The following IGSF3 variants were observed in gnomAD, a reference collection of about 807,000 sequenced individuals.
IGSF3 encodes the protein glu-Trp-Ile EWI motif-containing protein 3.
IGSF3 carries 23 observed loss-of-function variants against 114.4 expected under a neutral mutation model. That is an observed-to-expected ratio of 0.20 (90% CI 0.14 to 0.28). The LOEUF (loss-of-function observed/expected upper bound fraction) is 0.28. IGSF3 is among the 10% of genes least tolerant of loss of function. The pLI is 1.00. For synonymous variants in IGSF3, 571 were observed against 645.2 expected (o/e 0.88, Z 1.74); for missense variants, 1,172 against 1,591.5 (o/e 0.74, Z 4.48).
rs938518232 is a variant in IGSF3, at chr1:116,628,910, A to G, written c.44-12453T>C. 6.6e-6 allele frequency among the ~76,000 whole-genome samples: 1 copy of G among 152,240 alleles called. No individual in the cohort carries two copies. The highest frequency in any genetic ancestry group is 2.4e-5 in the African/African-American group (1 of 41,452). On this transcript the variant is annotated intron_variant, in intron 2 of 10. Coordinates refer to ENST00000369486, the MANE Select transcript of IGSF3 (RefSeq NM_001007237.3). This position sits in a 1 kb window ranked among gnomAD's most constrained non-coding sequence, Gnocchi z 4.2. ...GCTCATTCTTTCTAGGGAGGCACAG[A>G]TAAGCCAGCATCACAGATGCAAAAA...
At chr1:116,656,771 T>C (rs1648874412) in intron 2 of IGSF3, among the ~76,000 whole-genome samples, 1 of 151,732 alleles carries the variant, frequency 6.6e-6, no homozygotes, top group Non-Finnish European at 1.5e-5. Context: ...CTACTAAAAA[T>C]ACAAAAATTA....
rs1256665026 is a variant in IGSF3 at position 116,583,815 on chromosome 1, T to A, written c.2848+830A>T. On this transcript the variant is annotated intron_variant, in intron 9 of 10. Coordinates refer to ENST00000369486, the MANE Select transcript of IGSF3 (RefSeq NM_001007237.3). The surrounding 1 kb of genome is among the most constrained non-coding windows in gnomAD (Gnocchi z 4.5). Reference sequence around the variant, plus strand: ...TGCAACAACAATTATACCTAGTAATTACATGCATTTAGATATTTAGAAACA... The same window carrying A: ...TGCAACAACAATTATACCTAGTAATAACATGCATTTAGATATTTAGAAACA... Among the ~76,000 whole-genome samples, 1 of 152,172 alleles carries A rather than the reference T, an allele frequency of 6.6e-6. No individual in the cohort carries two copies. The highest frequency in any genetic ancestry group is 1.5e-5 in the Non-Finnish European group (1 of 68,034).
chr1:116,579,928 C>T lies in IGSF3; in HGVS notation c.2849-51G>A, dbSNP rs1659530058. 6.8e-7 allele frequency: 1 copy of T among 1,466,748 alleles called. No individual in the cohort carries two copies. The highest frequency in any genetic ancestry group is 9.2e-7 in the Non-Finnish European group (1 of 1,092,866). The allele number at this position is 1,466,748 out of a possible 1,614,324, so 90.9% of individuals were successfully genotyped here. Reference sequence around the variant, plus strand: ...GGAAGGGGTTGTTTAAATTTATTTGCTCAAAATAAACTAAATGTCCATCAT... The same window carrying T: ...GGAAGGGGTTGTTTAAATTTATTTGTTCAAAATAAACTAAATGTCCATCAT... On this transcript the variant is annotated intron_variant, in intron 9 of 10. Coordinates refer to ENST00000369486, the MANE Select transcript of IGSF3 (RefSeq NM_001007237.3). The surrounding 1 kb of genome is among the most constrained non-coding windows in gnomAD (Gnocchi z 6.4).
At chr1:116,601,348 C>T (rs1427775958) in intron 6 of IGSF3, among the ~76,000 whole-genome samples, 2 of 152,184 alleles carry the variant, frequency 1.3e-5, no homozygotes, top group Non-Finnish European at 2.9e-5. Flanking sequence ...GAAAGCATAA[C>T]ACAGTGGTTA....
At position 116,583,882 on chromosome 1, in the gene IGSF3, A is replaced by G. The variant is rs746418309; in HGVS notation, c.2848+763T>C. ...AAACAAAAGGCCACACAGAATAGTT[A>G]TTAGTACTAATAAAATTATTGGGAC... On this transcript the variant is annotated intron_variant, in intron 9 of 10. Coordinates refer to ENST00000369486, the MANE Select transcript of IGSF3 (RefSeq NM_001007237.3). The surrounding 1 kb of genome is among the most constrained non-coding windows in gnomAD (Gnocchi z 4.5). 2.0e-5 allele frequency among the ~76,000 whole-genome samples: 3 copies of G among 152,232 alleles called. No homozygotes were observed. The highest frequency in any genetic ancestry group is 4.4e-5 in the Non-Finnish European group (3 of 68,040).
chr1:116,576,376 A>G lies in IGSF3; in HGVS notation c.*936T>C, dbSNP rs1221524112. 6.5e-6 allele frequency: 1 copy of G among 152,714 alleles called. No individual in the cohort carries two copies. 9.5% of individuals were successfully genotyped at this position (152,714 alleles called of 1,614,324 possible). ...CACCTGCTCACAGTTAATCAGTTAG[A>G]GACCATCCTTGCAGCTCAGAGCAAG... On this transcript the variant is annotated 3_prime_UTR_variant, in exon 11 of 11. Coordinates refer to ENST00000369486, the MANE Select transcript of IGSF3 (RefSeq NM_001007237.3). The surrounding 1 kb of genome is among the most constrained non-coding windows in gnomAD (Gnocchi z 4.6).
Position 116,633,060 on chromosome 1 carries a change from G to A in IGSF3, c.44-16603C>T, listed in dbSNP as rs1323378554. Among the ~76,000 whole-genome samples, 8 of 152,202 alleles carry A rather than the reference G, an allele frequency of 5.3e-5. No individual in the cohort carries two copies. The highest frequency in any genetic ancestry group is 1.9e-4 in the East Asian group (1 of 5,200). On this transcript the variant is annotated intron_variant, in intron 2 of 10. Coordinates refer to ENST00000369486, the MANE Select transcript of IGSF3 (RefSeq NM_001007237.3). This position sits in a 1 kb window ranked among gnomAD's most constrained non-coding sequence, Gnocchi z 4.3. Reference sequence around the variant, plus strand: ...AATGCTATATAGACCAATGCTGCACGCTGCAGAGACACAGTCTTTGGGTTC... The same window carrying A: ...AATGCTATATAGACCAATGCTGCACACTGCAGAGACACAGTCTTTGGGTTC...
At chr1:116,643,062 C>G (rs185467450) in intron 2 of IGSF3, among the ~76,000 whole-genome samples, 1 of 152,156 alleles carries the variant, frequency 6.6e-6, no homozygotes, top group Non-Finnish European at 1.5e-5. Context: ...CTTCTTGGTC[C>G]AAAAGGCGCA....
At chr1:116,641,945 T>A (rs1243424253) in intron 2 of IGSF3, among the ~76,000 whole-genome samples, 2 of 151,484 alleles carry the variant, frequency 1.3e-5, no homozygotes, top group African/African-American at 2.4e-5. Flanking sequence ...AACTCCTGAG[T>A]TTTTTTGGTT....
In IGSF3 at chr1:116,594,913, G is replaced by GC. The variant is rs1438773318; in HGVS notation, c.2029+5027dup. Reference sequence around the variant, plus strand: ...ACCCCATTCCCTCCTCACGCCCCCTGCCCCCGTTCATGCCCTGTGCTGGCT... The same window carrying GC: ...ACCCCATTCCCTCCTCACGCCCCCTGCCCCCCGTTCATGCCCTGTGCTGGCT... On this transcript the variant is annotated intron_variant, in intron 7 of 10. Transcript: ENST00000369486. The surrounding 1 kb of genome is among the most constrained non-coding windows in gnomAD (Gnocchi z 5.2). 7.3e-5 allele frequency among the ~76,000 whole-genome samples: 11 copies of GC among 150,510 alleles called. No homozygotes were observed. In the East Asian group the frequency reaches 2.1e-3, roughly 29 times the overall value.
At position 116,648,398 on chromosome 1, in the gene IGSF3, G is replaced by A. The variant is rs1178360068; in HGVS notation, c.43+17886C>T. ...CAGGATGCACGGGAGATCACACACA[G>A]AGTAAGAGGTGCCTCTCAAATGCCT... is the stretch of plus-strand genomic sequence containing the variant. On this transcript the variant is annotated intron_variant, in intron 2 of 10. Transcript: ENST00000369486. This position sits in a 1 kb window ranked among gnomAD's most constrained non-coding sequence, Gnocchi z 4.7. Among the ~76,000 whole-genome samples, 1 of 152,186 alleles carries A rather than the reference G, an allele frequency of 6.6e-6. No individual in the cohort carries two copies. The highest frequency in any genetic ancestry group is 2.4e-5 in the African/African-American group (1 of 41,436).
intron 4 of IGSF3, among the ~76,000 whole-genome samples, chr1:116,613,079 T>C (rs1661084939): frequency 6.6e-6 from 1 of 152,200 alleles, no homozygotes; most frequent in South Asian, 2.1e-4. Flanking sequence ...ACTCTCAGAC[T>C]GGCCTCATCA....
At position 116,608,179 on chromosome 1, in the gene IGSF3, C is replaced by A. The variant is rs140225686; in HGVS notation, c.985G>T (p.Gly329Cys). The A allele has an allele frequency of 9.7e-5, 157 of 1,612,224 alleles. No homozygotes were observed. In the African/African-American group the frequency reaches 1.8e-3, roughly 18 times the overall value. Reference sequence around the variant, plus strand: ...TTGAGGACAGGCACAGCGTTAGGACCCATGGTGGCGATGAGCGAGCTGTTG... The same window carrying A: ...TTGAGGACAGGCACAGCGTTAGGACACATGGTGGCGATGAGCGAGCTGTTG... The part of the protein sequence containing the change: ...AFNSSLIATM[G>C]PNAVPVLNSE... The change falls in exon 5 of 11, where the codon GGT (glycine) becomes TGT (cysteine). Residue 329 changes from glycine (G) to cysteine (C), a missense_variant. By Grantham distance (159) the Gly-to-Cys change is radical. Transcript: ENST00000369486.
intron 2 of IGSF3, among the ~76,000 whole-genome samples, chr1:116,656,046 C>T (rs574304921): frequency 2.0e-4 from 30 of 152,070 alleles, no homozygotes; most frequent in African/African-American, 5.3e-4. Context: ...ATAAAATAAC[C>T]AAATCAGTTC....
intron 4 of IGSF3, 108 bp downstream of exon 4, chr1:116,613,657 C>T (rs1661104641): frequency 9.6e-7 from 1 of 1,045,452 alleles, no homozygotes; most frequent in Non-Finnish European, 1.4e-6. Context: ...ACATGAAAAC[C>T]TGCTGTCCTG....
rs182143611 is a variant in IGSF3, at chr1:116,624,959, C to G, written c.44-8502G>C. ...ACCTGCCACCATGTGAGTGAACAAG[C>G]CTCCACTGTGAGCTGCCCCCAGCCT... On this transcript the variant is annotated intron_variant, in intron 2 of 10. Transcript: ENST00000369486. The surrounding 1 kb of genome is among the most constrained non-coding windows in gnomAD (Gnocchi z 4.9). Among the ~76,000 whole-genome samples the G allele has an allele frequency of 6.6e-6, 1 of 152,346 alleles. No homozygotes were observed. The highest frequency in any genetic ancestry group is 2.1e-4 in the South Asian group (1 of 4,830).
rs1055021222 is a variant in IGSF3, at chr1:116,667,639, C to CCG, written c.-654_-653dup. 1 of 151,502 alleles carries CCG rather than the reference C, an allele frequency of 6.6e-6. No individual in the cohort carries two copies. Among genetic ancestry groups the CCG allele is most frequent in the African/African-American group, 2.4e-5 (1 of 41,324 alleles). 9.4% of individuals were successfully genotyped at this position (151,502 alleles called of 1,614,324 possible). A position where few individuals can be genotyped will look rare whatever the true frequency, so the allele number is the denominator to read the frequency against. Reference sequence around the variant, plus strand: ...TGACCTCGCCCCTGGCCCTCTCCCTCCGCGCGCGTCGGACCGTCCTTCAGT... The same window carrying CCG: ...TGACCTCGCCCCTGGCCCTCTCCCTCCGCGCGCGCGTCGGACCGTCCTTCAGT... On this transcript the variant is annotated 5_prime_UTR_variant, in exon 1 of 11. Coordinates refer to ENST00000369486, the MANE Select transcript of IGSF3 (RefSeq NM_001007237.3).
intron 4 of IGSF3, among the ~76,000 whole-genome samples, chr1:116,613,202 G>T (rs1661089801): frequency 2.0e-5 from 3 of 152,114 alleles, no homozygotes; most frequent in Non-Finnish European, 4.4e-5. Flanking sequence ...TCTGGGGGAT[G>T]GTGAAGTAAT....
At chr1:116,606,999 T>C (rs1195746759) in intron 5 of IGSF3, among the ~76,000 whole-genome samples, 1 of 151,982 alleles carries the variant, frequency 6.6e-6, no homozygotes, top group Non-Finnish European at 1.5e-5. Flanking sequence ...TGAAGAGAAA[T>C]ATCACACTTG....
Sources: gnomAD v4.1 joint callset for allele counts (sites outside exome capture counted in the v4.1 genomes callset) on GRCh38, gnomAD v4.1.1 for gene constraint, Gnocchi (gnomAD v3.1) non-coding constraint, MANE v1.5 for transcripts, NCBI Gene and HGNC (gene_info 2026-07-23, HGNC 2026-07-21) for gene names.